Variants in SIN3B observed in about 807,000 individuals in gnomAD.
The protein encoded by SIN3B is SIN3 transcription regulator family member B.
A neutral mutation model predicts 120.2 loss-of-function variants in SIN3B; 19 were observed. That is an observed-to-expected ratio of 0.16 (90% CI 0.11 to 0.23). The LOEUF (loss-of-function observed/expected upper bound fraction) is 0.23, where lower values mean the gene tolerates loss of function less well. Among genes scored for constraint, SIN3B ranks in the 10% least tolerant of loss-of-function variants. SIN3B has a pLI of 1.00. For missense variants in SIN3B, 1,073 were observed against 1,573.0 expected (o/e 0.68, Z 5.38); for synonymous variants, 654 against 653.2 (o/e 1.00, Z -0.02).
chr19:16,851,743 T>C (rs976390569), intron 6 of SIN3B, among the ~76,000 whole-genome samples: 1 of 152,242 alleles, frequency 6.6e-6, no homozygotes, highest in Non-Finnish European at 1.5e-5. Context: ...GAGATTGTTT[T>C]GAAAAGGAGG....
At chr19:16,845,662 G>GA (rs1430959941) in intron 4 of SIN3B, among the ~76,000 whole-genome samples, 8 of 152,220 alleles carry the variant, frequency 5.3e-5, no homozygotes, top group Admixed American at 2.0e-4. Flanking sequence ...AGCAGAGATG[G>GA]CTGTGGCACT....
rs958282693 is a variant in SIN3B at position 16,878,856 on chromosome 19, A to G, written c.*129A>G. 62 of 858,720 alleles carry G rather than the reference A, an allele frequency of 7.2e-5. No homozygotes were observed. The highest frequency in any genetic ancestry group is 1.0e-4 in the Non-Finnish European group (57 of 569,254). The allele number at this position is 858,720 out of a possible 1,614,324, so 53.2% of individuals were successfully genotyped here. On this transcript the variant is annotated 3_prime_UTR_variant, in exon 19 of 19. Transcript: ENST00000248054. ...CAGCCCCTCTGCTGCCGGACAGCGC[A>G]CTCCAGGGCAGGACGCCGCCCCCGT...
intron 8 of SIN3B, among the ~76,000 whole-genome samples, chr19:16,861,484 C>A (rs1342933475): frequency 6.6e-6 from 1 of 151,980 alleles, no homozygotes; most frequent in African/African-American, 2.4e-5. Context: ...TTAAATTGGC[C>A]CTGCATGGTG....
At chr19:16,851,267 C>CA (rs1971541240) in intron 5 of SIN3B, 145 bp from the exon 6 acceptor site, 1 of 832,206 alleles carries the variant, frequency 1.2e-6, no homozygotes, top group African/African-American at 1.8e-5. Flanking sequence ...GGAGTCACCT[C>CA]ACGCATGGAC....
At chr19:16,871,578 A>T in intron 14 of SIN3B, 180 bp downstream of exon 14, 1 of 590,120 alleles carries the variant, frequency 1.7e-6, no homozygotes, top group South Asian at 2.1e-5. Context: ...GTTTGGTAAC[A>T]TTTGGTACAT....
chr19:16,847,421 C>A (rs1373685564), intron 5 of SIN3B, among the ~76,000 whole-genome samples: 1 of 152,206 alleles, frequency 6.6e-6, no homozygotes, highest in Non-Finnish European at 1.5e-5. Context: ...CTGTGTCTGC[C>A]CTGCAGAGCC....
intron 6 of SIN3B, among the ~76,000 whole-genome samples, chr19:16,852,369 C>T (rs561101872): frequency 3.5e-4 from 54 of 152,194 alleles, no homozygotes; most frequent in Non-Finnish European, 6.6e-4. Flanking sequence ...CTCTAGCTGT[C>T]CTCTCACCTC....
intron 6 of SIN3B, among the ~76,000 whole-genome samples, chr19:16,852,748 A>G (rs1971562114): frequency 6.6e-6 from 1 of 152,152 alleles, no homozygotes; most frequent in Admixed American, 6.6e-5. Context: ...TCTCAGGACA[A>G]AACAGGGAAA....
At chr19:16,863,113 T>C (rs1599606048) in intron 9 of SIN3B, 2 of 684,440 alleles carry the variant, frequency 2.9e-6, no homozygotes, top group Non-Finnish European at 5.1e-6. Context: ...CAGAGTTGAG[T>C]ATTCATCTGG....
rs1424797343 is a variant in SIN3B, at chr19:16,866,415, C to T, written c.1665C>T (p.Gly555=). ...KEEEWREAQQ[G]FNKIWREQYE... ...AGGAGTGGCGGGAGGCCCAGCAGGG[C>T]TTCAACAAGATCTGGCGGGAGCAGT... The change falls in exon 12 of 19, where the codon GGC becomes GGT. Residue 555 remains glycine (G), a synonymous_variant. Transcript: ENST00000248054. The T allele has an allele frequency of 6.2e-7, 1 of 1,612,488 alleles. No homozygotes were observed. Among genetic ancestry groups the T allele is most frequent in the South Asian group, 1.1e-5 (1 of 90,994 alleles).
intron 14 of SIN3B, chr19:16,872,526 C>G (rs2051525134): frequency 6.6e-6 from 1 of 152,042 alleles, no homozygotes; most frequent in Non-Finnish European, 1.5e-5. Context: ...TCACAGCAAC[C>G]TCTGCCTCCT....
chr19:16,848,899 A>G (rs1270138964), intron 5 of SIN3B, among the ~76,000 whole-genome samples: 2 of 152,174 alleles, frequency 1.3e-5, no homozygotes, highest in African/African-American at 4.8e-5. Flanking sequence ...TGGCCTCCCA[A>G]AGTGTTAGGA....
Position 16,876,214 on chromosome 19 carries a change from G to T in SIN3B, c.2752G>T (p.Glu918Ter). The T allele has an allele frequency of 6.2e-7, 1 of 1,611,240 alleles. No homozygotes were observed. The highest frequency in any genetic ancestry group is 8.5e-7 in the Non-Finnish European group (1 of 1,178,442). Reference sequence around the variant, plus strand: ...GAAGGCTGAGCGCTGCATGGCCGACGAGAACTGCTTCAAGGTGAGAGGAGG... The same window carrying T: ...GAAGGCTGAGCGCTGCATGGCCGACTAGAACTGCTTCAAGGTGAGAGGAGG... ...QWKAERCMAD[E>*]NCFKVMFLQR... is the part of the protein sequence containing the mutation. Residue 918 changes from glutamate to a stop codon, truncating the protein, a stop_gained, in exon 15 of 19, where the codon GAG (glutamate) becomes TAG (stop). Coordinates refer to ENST00000248054, the MANE Select transcript of SIN3B (RefSeq NM_001297595.2). LOFTEE classifies it high-confidence loss of function. This position sits in a 1 kb window ranked among gnomAD's most constrained non-coding sequence, Gnocchi z 7.1.
intron 12 of SIN3B, 80 bp from the exon 13 acceptor site, chr19:16,869,380 A>G: frequency 6.8e-7 from 1 of 1,479,222 alleles, no homozygotes; most frequent in Non-Finnish European, 9.0e-7. Context: ...GGCCCAGTTA[A>G]CAGCGAGTCG....
intron 7 of SIN3B, among the ~76,000 whole-genome samples, 163 bp from the exon 8 acceptor site, chr19:16,853,980 T>C (rs933127215): frequency 5.3e-5 from 8 of 151,510 alleles, no homozygotes; most frequent in African/African-American, 1.2e-4. Flanking sequence ...AATTGGTGCA[T>C]GGATTGCGTG....
At chr19:16,847,138 G>A (rs1313945644) in intron 5 of SIN3B, 25 bp downstream of exon 5, 2 of 1,596,362 alleles carry the variant, frequency 1.3e-6, no homozygotes, top group Non-Finnish European at 1.7e-6. Flanking sequence ...CCCCTGCCCA[G>A]CCTCGGGGGC....
At chr19:16,867,833 C>G (rs1244157675) in intron 12 of SIN3B, among the ~76,000 whole-genome samples, 1 of 152,154 alleles carries the variant, frequency 6.6e-6, no homozygotes, top group Non-Finnish European at 1.5e-5. Context: ...CACCCACAAC[C>G]ACTCTGGCTT....
At chr19:16,831,301 G>A (rs556541389) in intron 2 of SIN3B, among the ~76,000 whole-genome samples, 193 bp from the exon 3 acceptor site, 1 of 152,310 alleles carries the variant, frequency 6.6e-6, no homozygotes, top group East Asian at 1.9e-4. Context: ...GACCTCAGGT[G>A]ATCTGCCTGC....
Position 16,851,537 on chromosome 19 carries a change from A to G in SIN3B, c.849+3A>G. The stretch of plus-strand genomic sequence containing the variant: ...GCCCCGTGTCTGCACCCGCCAAGGT[A>G]CCTGTGAGCCACATGCAGCCATGCC... On this transcript the variant is annotated splice_donor_region_variant and intron_variant, in intron 6 of 18. Coordinates refer to ENST00000248054, the MANE Select transcript of SIN3B (RefSeq NM_001297595.2). The G allele has an allele frequency of 6.3e-7, 1 of 1,591,112 alleles. No homozygotes were observed. The highest frequency in any genetic ancestry group is 8.6e-7 in the Non-Finnish European group (1 of 1,168,892).
Sources: gnomAD v4.1 joint callset for allele counts (sites outside exome capture counted in the v4.1 genomes callset) on GRCh38, gnomAD v4.1.1 for gene constraint, Gnocchi (gnomAD v3.1) non-coding constraint, MANE v1.5 for transcripts, NCBI Gene and HGNC (gene_info 2026-07-23, HGNC 2026-07-21) for gene names.